CNGB3: variants seen among roughly 807,000 people sequenced by gnomAD.
CNGB3 encodes the protein cyclic nucleotide gated channel subunit beta 3.
A neutral mutation model predicts 92.8 loss-of-function variants in CNGB3; 86 were observed. The ratio of observed to expected loss-of-function variants is 0.93; its 90% CI spans 0.78 to 1.11. CNGB3 has a LOEUF of 1.11. Among genes scored for constraint, CNGB3 ranks in the 50% least tolerant of loss-of-function variants. The pLI, the probability that CNGB3 is intolerant of heterozygous loss-of-function variation, is 0.00. For synonymous variants in CNGB3, 333 were observed against 332.7 expected (o/e 1.00, Z -0.01); for missense variants, 1,026 against 956.8 (o/e 1.07, Z -0.95).
intron 15 of CNGB3, among the ~76,000 whole-genome samples, chr8:86,600,776 ATTTTTTTTTTTTTTTTTTTTTTT>A (rs533111246): frequency 2.6e-5 from 1 of 38,400 alleles, no homozygotes; most frequent in African/African-American, 9.3e-5. Context: ...CGCTCGGCTA[ATTTTTTTTTTTTTTTTTTTTTTT>A]TTTTTTTTTT....
intron 3 of CNGB3, among the ~76,000 whole-genome samples, chr8:86,698,541 A>C (rs1824492080): frequency 6.6e-6 from 1 of 152,192 alleles, no homozygotes; most frequent in Non-Finnish European, 1.5e-5. Flanking sequence ...TGATATTTAA[A>C]ATTTCTTCAT....
chr8:86,694,718 C>T (rs145545352), intron 3 of CNGB3, among the ~76,000 whole-genome samples: 43,381 of 150,986 alleles, frequency 0.29, 6,549 homozygotes, highest in East Asian at 0.4. Flanking sequence ...CGGGCAGAGA[C>T]GCTCCTCACT....
intron 13 of CNGB3, among the ~76,000 whole-genome samples, chr8:86,614,417 C>A (rs1317991054): frequency 6.6e-6 from 1 of 152,128 alleles, no homozygotes; most frequent in East Asian, 1.9e-4. Context: ...CTGGGTAACA[C>A]CCTGGATCCC....
chr8:86,581,272 C>T (rs1294831912), intron 15 of CNGB3, among the ~76,000 whole-genome samples: 1 of 152,144 alleles, frequency 6.6e-6, no homozygotes, highest in African/African-American at 2.4e-5. Context: ...CCCCTGGAGT[C>T]ATAACTGGTA....
At chr8:86,690,925 T>G (rs2131637348) in intron 3 of CNGB3, among the ~76,000 whole-genome samples, 1 of 152,346 alleles carries the variant, frequency 6.6e-6, no homozygotes, top group Admixed American at 6.5e-5. Flanking sequence ...TATATCTCTG[T>G]TTTGGTACCA....
In CNGB3 at chr8:86,658,549, G is replaced by A. The variant is rs191744568; in HGVS notation, c.853-4487C>T. 1.6e-4 allele frequency: 54 copies of A among 344,986 alleles called. No homozygotes were observed. In the East Asian group the frequency reaches 4.0e-3, roughly 26 times the overall value. 21.4% of individuals were successfully genotyped at this position (344,986 alleles called of 1,614,324 possible). A position where few individuals can be genotyped will look rare whatever the true frequency, so the allele number is the denominator to read the frequency against. On this transcript the variant is annotated intron_variant, in intron 6 of 17. Coordinates refer to ENST00000320005, the MANE Select transcript of CNGB3 (RefSeq NM_019098.5). ...GTCTGCAGCAGTAACTGCTTGTGGA[G>A]CTCCTTCTCATAGGGCACCTGCTGA...
At chr8:86,626,916 C>G in intron 12 of CNGB3, among the ~76,000 whole-genome samples, 1 of 151,776 alleles carries the variant, frequency 6.6e-6, no homozygotes, top group East Asian at 1.9e-4. Flanking sequence ...AAACTCATGT[C>G]ATGGGGATTT....
At chr8:86,708,563 ATTTTTTTTT>A (rs10714055) in intron 3 of CNGB3, among the ~76,000 whole-genome samples, 18 of 85,908 alleles carry the variant, frequency 2.1e-4, no homozygotes, top group African/African-American at 8.1e-4. Context: ...TCTTTTCTTA[ATTTTTTTTT>A]TTTTTTTTTT....
chr8:86,734,503 A>G lies in CNGB3; in HGVS notation c.211+5152T>C, dbSNP rs1305133887. ...ATTCAGAATTTTGTCTAGGGATTTC[A>G]CTGTTTACAAATGCAGACAACATTA... On this transcript the variant is annotated intron_variant, in intron 2 of 17. Coordinates refer to ENST00000320005, the MANE Select transcript of CNGB3 (RefSeq NM_019098.5). 2.6e-5 allele frequency among the ~76,000 whole-genome samples: 4 copies of G among 152,330 alleles called. No homozygotes were observed. In the East Asian group the frequency reaches 7.7e-4, roughly 29 times the overall value.
Position 86,611,649 on chromosome 8 carries a change from T to G in CNGB3, c.1601A>C (p.Tyr534Ser). Residue 534 changes from tyrosine (Y) to serine (S), a missense_variant, in exon 14 of 18, where the codon TAT becomes TCT. Physicochemically the swap from Tyr to Ser is moderately radical, Grantham distance 144. Coordinates refer to ENST00000320005, the MANE Select transcript of CNGB3 (RefSeq NM_019098.5). ...LFKGCDTQMI[Y>S]DMLLRLKSVL... ...GGATTTCAATCTTAGCAACATGTCA[T>G]AAATCATCTGTGTATCACAACCCTA... The G allele has an allele frequency of 6.2e-7, 1 of 1,613,118 alleles. No homozygotes were observed. Among genetic ancestry groups the G allele is most frequent in the Non-Finnish European group, 8.5e-7 (1 of 1,179,252 alleles).
chr8:86,635,844 A>G (rs1284109359), intron 10 of CNGB3, among the ~76,000 whole-genome samples: 1 of 69,934 alleles, frequency 1.4e-5, no homozygotes, highest in East Asian at 4.4e-4. Flanking sequence ...ATATATATAT[A>G]TATATATATA....
rs375978405 is a variant in CNGB3, at chr8:86,647,766, A to T, written c.990+35T>A. ...ATAGGGAAATAGAAATATTTCCATTATAAGGGAAAAGACAATTAAATATAG... is the reference window on the plus strand; with the variant it reads ...ATAGGGAAATAGAAATATTTCCATTTTAAGGGAAAAGACAATTAAATATAG... On this transcript the variant is annotated intron_variant, in intron 8 of 17. Coordinates refer to ENST00000320005, the MANE Select transcript of CNGB3 (RefSeq NM_019098.5). The T allele has an allele frequency of 4.7e-6, 5 of 1,065,058 alleles. No individual in the cohort carries two copies. The African/African-American group carries it at 7.8e-5, about 17-fold the overall frequency. The allele number at this position is 1,065,058 out of a possible 1,614,324, so 66.0% of individuals were successfully genotyped here. A position where few individuals can be genotyped will look rare whatever the true frequency, so the allele number is the denominator to read the frequency against.
chr8:86,688,618 G>A (rs1264023624), intron 3 of CNGB3, among the ~76,000 whole-genome samples: 1 of 151,930 alleles, frequency 6.6e-6, no homozygotes, highest in Non-Finnish European at 1.5e-5. Flanking sequence ...GTTCCTCACA[G>A]CAGCCTTTAA....
At chr8:86,719,478 C>T (rs376765590) in intron 3 of CNGB3, among the ~76,000 whole-genome samples, 9 of 152,090 alleles carry the variant, frequency 5.9e-5, no homozygotes, top group African/African-American at 1.7e-4. Context: ...AGGTAAAAGA[C>T]CTCTACAAGG....
At chr8:86,714,814 T>G (rs560934671) in intron 3 of CNGB3, among the ~76,000 whole-genome samples, 2 of 152,036 alleles carry the variant, frequency 1.3e-5, no homozygotes, top group Admixed American at 1.3e-4. Context: ...ACTGTGGGAG[T>G]GAGACCAGCC....
In CNGB3 at chr8:86,670,946, G is replaced by T; in HGVS notation, c.491C>A (p.Thr164Asn). The part of the protein sequence containing the change: ...DLSSPEASPQ[T>N]AKPTAVPPVK... ...TACTTGGAGGGAGCAATGCTTACCA[G>T]TTTGTGGGCTGGCTTCGGGTGAGGA... The change falls in exon 4 of 18, where the codon ACT (threonine) becomes AAT (asparagine). Residue 164 changes from threonine (T) to asparagine (N), a missense_variant and splice_region_variant. By Grantham distance (65) the Thr-to-Asn change is moderately conservative. Transcript: ENST00000320005. The T allele has an allele frequency of 6.2e-7, 1 of 1,612,340 alleles. No homozygotes were observed. Among genetic ancestry groups the T allele is most frequent in the Non-Finnish European group, 8.5e-7 (1 of 1,179,982 alleles).
At chr8:86,638,738 A>T (rs1823121509) in intron 10 of CNGB3, among the ~76,000 whole-genome samples, 1 of 151,968 alleles carries the variant, frequency 6.6e-6, no homozygotes, top group Non-Finnish European at 1.5e-5. Context: ...GTATCTGTGA[A>T]CACATCTGTT....
chr8:86,635,851 T>C (rs1436784455), intron 10 of CNGB3, among the ~76,000 whole-genome samples: 2 of 76,504 alleles, frequency 2.6e-5, no homozygotes, highest in African/African-American at 7.0e-5. Context: ...TATATATATA[T>C]ATATATATAT....
At position 86,629,034 on chromosome 8, in the gene CNGB3, G is replaced by A; in HGVS notation, c.1365C>T (p.Phe455=). ...CAATGGTGTCATCCATGCAGGCGCG[G>A]AAGTAGTTCTGATTGGCTGTAGCTG... ...IGAATANQNY[F]RACMDDTIAY... Residue 455 remains phenylalanine (F), a synonymous_variant, in exon 12 of 18, where the codon TTC becomes TTT. Transcript: ENST00000320005. The A allele has an allele frequency of 6.2e-7, 1 of 1,614,054 alleles. No homozygotes were observed. Among genetic ancestry groups the A allele is most frequent in the Non-Finnish European group, 8.5e-7 (1 of 1,179,958 alleles).
Sources: gnomAD v4.1 joint callset for allele counts (sites outside exome capture counted in the v4.1 genomes callset) on GRCh38, gnomAD v4.1.1 for gene constraint, MANE v1.5 for transcripts, NCBI Gene and HGNC (gene_info 2026-07-23, HGNC 2026-07-21) for gene names.